The following SEMA5A variants were observed in gnomAD, a reference collection of about 807,000 sequenced individuals.
The protein encoded by SEMA5A is semaphorin-5A.
SEMA5A carries 55 observed loss-of-function variants against 135.5 expected under a neutral mutation model. The observed-to-expected ratio is 0.41, with a 90% CI of 0.33 to 0.51. The LOEUF (loss-of-function observed/expected upper bound fraction) is 0.51. SEMA5A is among the 20% of genes least tolerant of loss of function. SEMA5A has a pLI of 0.37. For missense variants in SEMA5A, 1,290 were observed against 1,419.9 expected, an observed-to-expected ratio of 0.91 and a Z score of 1.47; for synonymous variants, 580 against 546.5, an observed-to-expected ratio of 1.06 and a Z score of -0.85.
intron 5 of SEMA5A, among the ~76,000 whole-genome samples, chr5:9,245,446 G>T (rs1416540859): frequency 6.6e-6 from 1 of 152,116 alleles, no homozygotes; most frequent in African/African-American, 2.4e-5. Context: ...AGAAAAATGT[G>T]AGACCAAGTG....
chr5:9,172,368 T>G (rs927785723), intron 11 of SEMA5A, among the ~76,000 whole-genome samples: 2 of 152,166 alleles, frequency 1.3e-5, no homozygotes, highest in African/African-American at 2.4e-5. Context: ...ATCAAGGCAT[T>G]TGTGGTTGAA....
chr5:9,319,711 A>G (rs568026974), intron 4 of SEMA5A, among the ~76,000 whole-genome samples: 11 of 151,908 alleles, frequency 7.2e-5, no homozygotes, highest in Non-Finnish European at 1.6e-4. Flanking sequence ...GCAAATGAGC[A>G]CGAGGTGGGA....
intron 5 of SEMA5A, among the ~76,000 whole-genome samples, chr5:9,254,262 A>G (rs1005054193): frequency 6.6e-6 from 1 of 152,220 alleles, no homozygotes; most frequent in Non-Finnish European, 1.5e-5. Flanking sequence ...GGCAAGAGAA[A>G]AAAAGTAATT....
chr5:9,334,786 G>A (rs1387409161), intron 4 of SEMA5A, among the ~76,000 whole-genome samples: 3 of 152,098 alleles, frequency 2.0e-5, no homozygotes, highest in African/African-American at 7.2e-5. Context: ...CAAACCTTTG[G>A]AACATACTTA....
chr5:9,060,386 T>A (rs1354083851), intron 18 of SEMA5A, among the ~76,000 whole-genome samples: 2 of 152,140 alleles, frequency 1.3e-5, no homozygotes, highest in East Asian at 1.9e-4. Flanking sequence ...TGCAGGAATC[T>A]GCACATCCTA....
intron 1 of SEMA5A, among the ~76,000 whole-genome samples, chr5:9,481,640 C>T (rs1759879849): frequency 6.6e-6 from 1 of 152,126 alleles, no homozygotes; most frequent in African/African-American, 2.4e-5. Flanking sequence ...ATTTTACTTC[C>T]TTTTCCCTTT....
chr5:9,155,144 C>T (rs1742883052), intron 11 of SEMA5A, among the ~76,000 whole-genome samples: 1 of 152,202 alleles, frequency 6.6e-6, no homozygotes, highest in Admixed American at 6.5e-5. Flanking sequence ...TCCAGTACGA[C>T]TGTGATGCCC....
At chr5:9,319,792 T>A (rs1166757604) in intron 4 of SEMA5A, among the ~76,000 whole-genome samples, 1 of 130,826 alleles carries the variant, frequency 7.6e-6, no homozygotes, top group African/African-American at 2.9e-5. Flanking sequence ...TTACAACACC[T>A]ATAAGACATA....
chr5:9,410,224 TAAG>T (rs1303862948), intron 2 of SEMA5A, among the ~76,000 whole-genome samples: 1 of 152,206 alleles, frequency 6.6e-6, no homozygotes, highest in Admixed American at 6.5e-5. Flanking sequence ...GTAGGTCTAT[TAAG>T]AAAGTAAAAA....
intron 4 of SEMA5A, among the ~76,000 whole-genome samples, chr5:9,326,023 C>T (rs918869546): frequency 4.6e-5 from 7 of 152,128 alleles, no homozygotes; most frequent in Admixed American, 2.6e-4. Context: ...AGGCTGATCA[C>T]GAAACAATCC....
At chr5:9,118,940 T>C (rs1344750667) in intron 15 of SEMA5A, 58 bp downstream of exon 15, 4 of 1,581,724 alleles carry the variant, frequency 2.5e-6, no homozygotes, top group African/African-American at 2.7e-5. Context: ...GAACTCGACC[T>C]GGCCGGAATG....
chr5:9,321,711 C>T (rs910730598), intron 4 of SEMA5A, among the ~76,000 whole-genome samples: 1 of 152,196 alleles, frequency 6.6e-6, no homozygotes, highest in African/African-American at 2.4e-5. Flanking sequence ...AGTCACCCTA[C>T]TCCTTTTCAA....
At chr5:9,480,860 A>G (rs1759849997) in intron 1 of SEMA5A, among the ~76,000 whole-genome samples, 2 of 152,340 alleles carry the variant, frequency 1.3e-5, no homozygotes, top group Middle Eastern at 6.8e-3. Context: ...CCATGGACAC[A>G]TAGATATGCT....
intron 8 of SEMA5A, among the ~76,000 whole-genome samples, chr5:9,213,028 T>G (rs2150391092): frequency 6.6e-6 from 1 of 152,296 alleles, no homozygotes; most frequent in South Asian, 2.1e-4. Context: ...TGCTTTCTGG[T>G]TCCTAGCCGG....
At chr5:9,235,732 T>C (rs1747873153) in intron 6 of SEMA5A, among the ~76,000 whole-genome samples, 1 of 150,066 alleles carries the variant, frequency 6.7e-6, no homozygotes, top group Admixed American at 7.2e-5. Flanking sequence ...TATTGATGTG[T>C]CCATGAGACC....
At chr5:9,403,658 A>G (rs1170220506) in intron 2 of SEMA5A, among the ~76,000 whole-genome samples, 3 of 152,206 alleles carry the variant, frequency 2.0e-5, no homozygotes, top group Non-Finnish European at 4.4e-5. Context: ...TGGAACCCCC[A>G]ATTTTAAGCC....
intron 5 of SEMA5A, among the ~76,000 whole-genome samples, chr5:9,268,298 G>C (rs1749785997): frequency 6.6e-6 from 1 of 152,110 alleles, no homozygotes; most frequent in African/African-American, 2.4e-5. Flanking sequence ...GACAGGCTGA[G>C]TTTAGAAACC....
chr5:9,191,494 A>G (rs760236634), intron 10 of SEMA5A, among the ~76,000 whole-genome samples: 11 of 152,222 alleles, frequency 7.2e-5, no homozygotes, highest in Admixed American at 1.3e-4. Context: ...AACTTCACAT[A>G]AGTAGGTTTG....
intron 1 of SEMA5A, among the ~76,000 whole-genome samples, chr5:9,525,536 T>C (rs1737078237): frequency 6.6e-6 from 1 of 152,226 alleles, no homozygotes; most frequent in Non-Finnish European, 1.5e-5. Flanking sequence ...GCGAGGATGA[T>C]AATGGCTGTA....
Sources: allele counts gnomAD v4.1 joint callset (sites outside exome capture counted in the v4.1 genomes callset), GRCh38; gene constraint gnomAD v4.1.1; transcripts MANE v1.5; gene names NCBI Gene and HGNC (gene_info 2026-07-23, HGNC 2026-07-21).